The following SLC4A7 variants were observed in gnomAD, a reference collection of about 807,000 sequenced individuals.
SLC4A7 encodes the protein sodium bicarbonate cotransporter 3.
SLC4A7 carries 51 observed loss-of-function variants against 137.6 expected under a neutral mutation model. The observed-to-expected ratio is 0.37, with a 90% CI of 0.30 to 0.47. SLC4A7 has a LOEUF of 0.47. SLC4A7 is among the 20% of genes least tolerant of loss of function. The pLI, the probability that SLC4A7 is intolerant of heterozygous loss-of-function variation, is 1.00. For missense variants in SLC4A7, 1,247 were observed against 1,525.4 expected (o/e 0.82, Z 3.04); for synonymous variants, 542 against 518.6 (o/e 1.05, Z -0.61).
chr3:27,432,199 CAGTA>C (rs2150376049), intron 6 of SLC4A7, among the ~76,000 whole-genome samples: 1 of 152,074 alleles, frequency 6.6e-6, no homozygotes, highest in South Asian at 2.1e-4. Context: ...AATATTAAGT[CAGTA>C]AGACACCATC....
At chr3:27,446,874 TGTTTTTTTTTGTTTTTTTTG>T (rs1333092634) in intron 3 of SLC4A7, among the ~76,000 whole-genome samples, 13 of 127,444 alleles carry the variant, frequency 1.0e-4, no homozygotes, top group Non-Finnish European at 1.8e-4. Flanking sequence ...AGTTTTTTTT[TGTTTTTTTTTGTTTTTTTTG>T]TTTTTTTTAA....
At chr3:27,423,114 G>A (rs921348903) in intron 8 of SLC4A7, among the ~76,000 whole-genome samples, 50 of 152,138 alleles carry the variant, frequency 3.3e-4, no homozygotes, top group African/African-American at 8.9e-4. Flanking sequence ...GCCAATGTCC[G>A]TAATGCTAGG....
chr3:27,461,870 G>A (rs2058719419), intron 1 of SLC4A7, among the ~76,000 whole-genome samples: 1 of 151,930 alleles, frequency 6.6e-6, no homozygotes, highest in Non-Finnish European at 1.5e-5. Context: ...GCTGAAGTGG[G>A]AGGATCACTT....
Position 27,397,733 on chromosome 3 carries a change from T to A in SLC4A7, c.2654A>T (p.Tyr885Phe), listed in dbSNP as rs1226711398. 1.2e-6 allele frequency: 2 copies of A among 1,609,722 alleles called. No individual in the cohort carries two copies. The highest frequency in any genetic ancestry group is 2.7e-5 in the African/African-American group (2 of 74,792). Reference protein sequence around the residue: ...LTIVIMVTIDYLVGVPSPKLH... With the variant: ...LTIVIMVTIDFLVGVPSPKLH... Reference sequence around the variant, plus strand: ...TTTAGGAGATGGAACTCCTACAAGGTAGTCAATTGTAACCATTATTACTAT... The same window carrying A: ...TTTAGGAGATGGAACTCCTACAAGGAAGTCAATTGTAACCATTATTACTAT... The change falls in exon 18 of 26, where the codon TAC becomes TTC. Residue 885 changes from tyrosine to phenylalanine, a missense_variant. Tyr to Phe is a conservative substitution (Grantham distance 22). Coordinates refer to ENST00000454389, the MANE Select transcript of SLC4A7 (RefSeq NM_001321103.2).
intron 25 of SLC4A7, 73 bp from the exon 26 acceptor site, chr3:27,376,918 A>G (rs1251553688): frequency 1.5e-6 from 1 of 686,728 alleles, no homozygotes; most frequent in East Asian, 3.2e-5. Flanking sequence ...GCTAACAATG[A>G]GTATACTAAA....
chr3:27,481,658 C>T (rs1237320208), intron 1 of SLC4A7, among the ~76,000 whole-genome samples: 2 of 152,354 alleles, frequency 1.3e-5, no homozygotes, highest in East Asian at 3.9e-4. Flanking sequence ...TATTCGTAGA[C>T]TATATGCTAG....
intron 1 of SLC4A7, chr3:27,456,991 C>G: frequency 1.1e-6 from 1 of 920,466 alleles, no homozygotes; most frequent in Non-Finnish European, 1.3e-6. Context: ...AATGTTAGTA[C>G]AAAGAGTGCA....
intron 8 of SLC4A7, among the ~76,000 whole-genome samples, chr3:27,422,378 G>A (rs1435804851): frequency 2.6e-5 from 4 of 152,092 alleles, no homozygotes; most frequent in East Asian, 3.9e-4. Context: ...AGCAATCCTT[G>A]CACCTTGGCC....
rs2053160417 is a variant in SLC4A7 at position 27,404,725 on chromosome 3, C to G, written c.2075+105G>C. 3.5e-6 allele frequency: 3 copies of G among 868,422 alleles called. No individual in the cohort carries two copies. In the Admixed American group the frequency reaches 8.7e-5, roughly 25 times the overall value. 53.8% of individuals were successfully genotyped at this position (868,422 alleles called of 1,614,324 possible). On this transcript the variant is annotated intron_variant, in intron 14 of 25. Transcript: ENST00000454389. ...CAGTAGCTCAAAAATAATGAGAATG[C>G]ATATATTGACCAAATTACTTTTAAG...
At chr3:27,420,650 T>C (rs1354860215) in intron 10 of SLC4A7, 50 bp downstream of exon 10, 1 of 1,142,854 alleles carries the variant, frequency 8.8e-7, no homozygotes, top group Non-Finnish European at 1.3e-6. Context: ...ATATACTATA[T>C]GCTGCATAAT....
intron 22 of SLC4A7, among the ~76,000 whole-genome samples, chr3:27,388,760 T>C (rs994724142): frequency 1.3e-5 from 2 of 152,098 alleles, no homozygotes; most frequent in Non-Finnish European, 2.9e-5. Context: ...AGTAAAATAA[T>C]GTCAAATAAA....
Position 27,373,075 on chromosome 3 carries a change from A to AG in SLC4A7, c.*3688_*3689insC, listed in dbSNP as rs1035982128. 1 of 151,926 alleles carries AG rather than the reference A, an allele frequency of 6.6e-6. No homozygotes were observed. The highest frequency in any genetic ancestry group is 2.4e-5 in the African/African-American group (1 of 41,308). 9.4% of individuals were successfully genotyped at this position (151,926 alleles called of 1,614,324 possible). On this transcript the variant is annotated 3_prime_UTR_variant, in exon 26 of 26. Transcript: ENST00000454389. ...ACAATCTCCCCCATGGGGAAGAAAA[A>AG]AAAAAAAAACCTTGAATAATAAAGC... is the stretch of plus-strand genomic sequence containing the variant.
At chr3:27,432,065 G>C (rs3772723) in intron 6 of SLC4A7, among the ~76,000 whole-genome samples, 44,590 of 151,900 alleles carry the variant, frequency 0.29, 8,296 homozygotes, top group East Asian at 0.74. Context: ...AAAACTAATA[G>C]CTTATATTTA....
chr3:27,408,749 CAT>C (rs1165059981), intron 13 of SLC4A7, among the ~76,000 whole-genome samples: 1 of 152,094 alleles, frequency 6.6e-6, no homozygotes, highest in Non-Finnish European at 1.5e-5. Flanking sequence ...AACAGGAAAA[CAT>C]AAAAACTTTC....
chr3:27,387,156 C>T (rs1280526937), intron 22 of SLC4A7, among the ~76,000 whole-genome samples: 2 of 152,164 alleles, frequency 1.3e-5, no homozygotes, highest in Non-Finnish European at 2.9e-5. Flanking sequence ...AGTATCAGCA[C>T]ACGAACAGTG....
rs117069229 is a variant in SLC4A7, at chr3:27,448,263, C to T, written c.289+388G>A. Among the ~76,000 whole-genome samples the T allele has an allele frequency of 4.0e-3, 603 of 150,920 alleles. 10 individuals carry two copies. Among genetic ancestry groups the T allele is most frequent in the East Asian group, 0.036 (184 of 5,164 alleles). On this transcript the variant is annotated intron_variant, in intron 3 of 25. Transcript: ENST00000454389. ...GAAGGAAAAAAACTTTAATCACTTC[C>T]ATGACAGCCTTAGCATTCCCAATGT...
chr3:27,441,204 T>C (rs1357483728), intron 3 of SLC4A7, among the ~76,000 whole-genome samples: 1 of 152,210 alleles, frequency 6.6e-6, no homozygotes, highest in Non-Finnish European at 1.5e-5. Context: ...TTTTAAACAT[T>C]GCTGGATACA....
chr3:27,444,738 T>C (rs1457909424), intron 3 of SLC4A7, among the ~76,000 whole-genome samples: 1 of 152,206 alleles, frequency 6.6e-6, no homozygotes, highest in African/African-American at 2.4e-5. Context: ...CTAGTTGCTT[T>C]AACATTCTTA....
intron 1 of SLC4A7, among the ~76,000 whole-genome samples, chr3:27,453,395 A>C (rs913129478): frequency 6.6e-6 from 1 of 152,172 alleles, no homozygotes; most frequent in African/African-American, 2.4e-5. Context: ...TGGGCAGATC[A>C]CCTGAGGTCG....
Sources: allele counts gnomAD v4.1 joint callset (sites outside exome capture counted in the v4.1 genomes callset), GRCh38; gene constraint gnomAD v4.1.1; transcripts MANE v1.5; gene names NCBI Gene and HGNC (gene_info 2026-07-23, HGNC 2026-07-21).